Variants in NCOA7 observed in about 807,000 individuals in gnomAD.
NCOA7 encodes nuclear receptor coactivator 7, also known as 140 kDa estrogen receptor-associated protein.
A neutral mutation model predicts 104.3 loss-of-function variants in NCOA7; 45 were observed. The ratio of observed to expected loss-of-function variants is 0.43; its 90% CI spans 0.34 to 0.55. The LOEUF is 0.55. Ranked by LOEUF, NCOA7 falls within the 20% of genes least tolerant of loss-of-function variation. The pLI is 0.02. For synonymous variants in NCOA7, 398 were observed against 402.3 expected (o/e 0.99, Z 0.13); for missense variants, 1,041 against 1,119.7 (o/e 0.93, Z 1.00).
intron 1 of NCOA7, among the ~76,000 whole-genome samples, chr6:125,795,378 G>T (rs1219735388): frequency 1.3e-5 from 2 of 151,862 alleles, no homozygotes; most frequent in East Asian, 3.9e-4. Flanking sequence ...TGGTTCAAAA[G>T]GTACGCATGG....
intron 3 of NCOA7, among the ~76,000 whole-genome samples, chr6:125,873,140 G>A (rs984554927): frequency 5.3e-5 from 8 of 152,182 alleles, no homozygotes; most frequent in East Asian, 1.9e-4. Context: ...AAATGATATC[G>A]TTGAGACATT....
chr6:125,879,908 G>T (rs543675168), intron 5 of NCOA7, among the ~76,000 whole-genome samples: 46 of 152,162 alleles, frequency 3.0e-4, no homozygotes, highest in Non-Finnish European at 6.5e-4. Flanking sequence ...GGAGGCTGAG[G>T]CAGGAGAATC....
intron 2 of NCOA7, among the ~76,000 whole-genome samples, chr6:125,827,079 C>T (rs12529735): frequency 6.7e-6 from 1 of 149,972 alleles, no homozygotes; most frequent in Non-Finnish European, 1.5e-5. Context: ...CACCTGTAAT[C>T]TGGAAGCTGA....
At chr6:125,896,042 A>G (rs1784990739) in intron 10 of NCOA7, among the ~76,000 whole-genome samples, 3 of 146,134 alleles carry the variant, frequency 2.1e-5, no homozygotes, top group African/African-American at 7.4e-5. Context: ...ATACATATAT[A>G]TACATAATAC....
chr6:125,788,540 C>G (rs1275144363), upstream of NCOA7, among the ~76,000 whole-genome samples: 2 of 141,590 alleles, frequency 1.4e-5, no homozygotes, highest in African/African-American at 5.2e-5. Flanking sequence ...TTTGGAAGAC[C>G]TTTTTTTTTT....
At position 125,884,898 on chromosome 6, in the gene NCOA7, C is replaced by G. The variant is rs76024429; in HGVS notation, c.700-261C>G. 4.5e-3 allele frequency among the ~76,000 whole-genome samples: 678 copies of G among 152,338 alleles called. 5 individuals carry two copies. The highest frequency in any genetic ancestry group is 0.016 in the African/African-American group (649 of 41,586). Reference sequence around the variant, plus strand: ...TGTGAGAACCAGGATCACTCCACAACTGTGCTGTTGCAGCAGCTGTGATAG... The same window carrying G: ...TGTGAGAACCAGGATCACTCCACAAGTGTGCTGTTGCAGCAGCTGTGATAG... On this transcript the variant is annotated intron_variant, in intron 7 of 15. Transcript: ENST00000392477.
intron 8 of NCOA7, among the ~76,000 whole-genome samples, chr6:125,887,156 T>A (rs917782012): frequency 1.3e-5 from 2 of 152,218 alleles, no homozygotes; most frequent in African/African-American, 2.4e-5. Context: ...CAAGGTAATC[T>A]AGAAAGCTAA....
chr6:125,798,233 T>C (rs1201112638), intron 1 of NCOA7: 1 of 152,184 alleles, frequency 6.6e-6, no homozygotes, highest in African/African-American at 2.4e-5. Flanking sequence ...AGGCTACTGA[T>C]ATAGTAGAAA....
At position 125,822,780 on chromosome 6, in the gene NCOA7, C is replaced by A. The variant is rs534244388; in HGVS notation, c.50+7376C>A. Among the ~76,000 whole-genome samples the A allele has an allele frequency of 1.9e-3, 290 of 151,880 alleles. 1 individual carries two copies. The highest frequency in any genetic ancestry group is 6.7e-3 in the African/African-American group (277 of 41,426). ...TGAAACCCCGTCTCTACTAAAAATA[C>A]AAAAATTAGCTGGGCATGGTGGCAC... is the stretch of plus-strand genomic sequence containing the variant. On this transcript the variant is annotated intron_variant, in intron 2 of 15. Transcript: ENST00000392477.
At chr6:125,919,093 C>G (rs904446661) in intron 11 of NCOA7, 14 of 555,184 alleles carry the variant, frequency 2.5e-5, no homozygotes, top group Non-Finnish European at 2.9e-5. Context: ...GGGAAACCAC[C>G]GTTTCAAAGG....
chr6:125,820,204 T>G (rs1239929586), intron 2 of NCOA7, among the ~76,000 whole-genome samples: 2 of 152,168 alleles, frequency 1.3e-5, no homozygotes, highest in Non-Finnish European at 2.9e-5. Flanking sequence ...ATGCAAAGTG[T>G]AGAACATTTC....
At chr6:125,790,428 C>G (rs1774718435), upstream of NCOA7, among the ~76,000 whole-genome samples, 1 of 152,230 alleles carries the variant, frequency 6.6e-6, no homozygotes, top group Admixed American at 6.5e-5. Context: ...CAGCAAGGCG[C>G]CCGCACTCGG....
chr6:125,873,025 G>A (rs1361155025), intron 3 of NCOA7, among the ~76,000 whole-genome samples: 1 of 152,112 alleles, frequency 6.6e-6, no homozygotes, highest in African/African-American at 2.4e-5. Flanking sequence ...ATAATTTAAA[G>A]GAAATATTTA....
At chr6:125,910,353 C>T (rs1786416537) in intron 10 of NCOA7, among the ~76,000 whole-genome samples, 1 of 152,158 alleles carries the variant, frequency 6.6e-6, no homozygotes, top group African/African-American at 2.4e-5. Context: ...TCCAGTGTGG[C>T]TATGCACATA....
chr6:125,892,624 A>AG (rs1437737783), intron 10 of NCOA7, among the ~76,000 whole-genome samples: 1 of 152,180 alleles, frequency 6.6e-6, no homozygotes, highest in Non-Finnish European at 1.5e-5. Flanking sequence ...CAGTGAGCTG[A>AG]GATCACGCCA....
At chr6:125,876,714 T>A (rs906061011) in intron 4 of NCOA7, among the ~76,000 whole-genome samples, 1 of 152,222 alleles carries the variant, frequency 6.6e-6, no homozygotes, top group African/African-American at 2.4e-5. Context: ...TAATTTTATT[T>A]GACAAGTTGG....
chr6:125,790,005 G>T (rs1774682124), upstream of NCOA7, among the ~76,000 whole-genome samples: 1 of 152,234 alleles, frequency 6.6e-6, no homozygotes, highest in African/African-American at 2.4e-5. Context: ...GGAGCTCACA[G>T]GCACAGGCCC....
intron 3 of NCOA7, among the ~76,000 whole-genome samples, chr6:125,864,897 A>G (rs1335686110): frequency 7.2e-6 from 1 of 138,176 alleles, no homozygotes; most frequent in Non-Finnish European, 1.5e-5. Flanking sequence ...TGAAGTGTTC[A>G]TATGCACAAT....
intron 1 of NCOA7, among the ~76,000 whole-genome samples, chr6:125,811,800 G>A (rs959441192): frequency 1.3e-5 from 2 of 152,148 alleles, no homozygotes; most frequent in Admixed American, 6.5e-5. Context: ...ATGCAGTCCC[G>A]TTGGAGGTCC....
Sources: allele counts gnomAD v4.1 joint callset (sites outside exome capture counted in the v4.1 genomes callset), GRCh38; gene constraint gnomAD v4.1.1; transcripts MANE v1.5; gene names NCBI Gene and HGNC (gene_info 2026-07-23, HGNC 2026-07-21).